The following MINDY4 variants were observed in gnomAD, a reference collection of about 807,000 sequenced individuals.
The protein encoded by MINDY4 is probable ubiquitin carboxyl-terminal hydrolase MINDY-4.
In MINDY4, 68 loss-of-function variants were observed where a neutral mutation model predicts 87.0. The ratio of observed to expected loss-of-function variants is 0.78; its 90% confidence interval spans 0.64 to 0.96. The LOEUF (loss-of-function observed/expected upper bound fraction) is 0.96, where lower values mean the gene tolerates loss of function less well. Among genes scored for constraint, MINDY4 ranks in the 40% least tolerant of loss-of-function variants. MINDY4 has a pLI of 0.00. For synonymous variants in MINDY4, 379 were observed against 363.2 expected, an observed-to-expected ratio of 1.04 and a Z score of -0.50; for missense variants, 919 against 928.2, an observed-to-expected ratio of 0.99 and a Z score of 0.13.
intron 17 of MINDY4, among the ~76,000 whole-genome samples, chr7:30,883,711 T>C (rs1486527026): frequency 6.6e-6 from 1 of 152,126 alleles, no homozygotes; most frequent in South Asian, 2.1e-4. Context: ...CACAAAGCCC[T>C]TGGGGCATGA....
intron 17 of MINDY4, among the ~76,000 whole-genome samples, chr7:30,887,289 C>T (rs1328814095): frequency 6.6e-6 from 1 of 152,214 alleles, no homozygotes; most frequent in Admixed American, 6.5e-5. Flanking sequence ...TGCCCTGCCC[C>T]CCACACACAC....
rs561531008 is a variant in MINDY4, at chr7:30,839,583, G to A, written c.1356+267G>A. ...CTTGCTGTGAGTGGTGCAGGTGCTGGGATCCTCAGCAGGAGAGAGAGCAGT... is the reference window on the plus strand; with the variant it reads ...CTTGCTGTGAGTGGTGCAGGTGCTGAGATCCTCAGCAGGAGAGAGAGCAGT... On this transcript the variant is annotated intron_variant, in intron 8 of 17. Transcript: ENST00000265299. Among the ~76,000 whole-genome samples the A allele has an allele frequency of 2.0e-5, 3 of 152,310 alleles. No individual in the cohort carries two copies. The East Asian group carries it at 5.8e-4, about 29-fold the overall frequency.
At chr7:30,845,269 G>A (rs550218175) in intron 9 of MINDY4, among the ~76,000 whole-genome samples, 1 of 152,116 alleles carries the variant, frequency 6.6e-6, no homozygotes, top group African/African-American at 2.4e-5. Flanking sequence ...GAACACAGAA[G>A]AGTACAGAGA....
In MINDY4 at chr7:30,875,645, A is replaced by C. The variant is rs749887008; in HGVS notation, c.1960A>C (p.Asn654His). Residue 654 changes from asparagine to histidine, a missense_variant, in exon 15 of 18, where the codon AAC becomes CAC. By Grantham distance (68) the Asn-to-His change is moderately conservative (BLOSUM62 1). Coordinates refer to ENST00000265299, the MANE Select transcript of MINDY4 (RefSeq NM_032222.3). ...IGFLSLFEHY[N>H]MCQVGCFLKT... is the part of the protein sequence containing the mutation. The stretch of plus-strand genomic sequence containing the variant: ...CTTCTTATCTCTCTTTGAGCATTAC[A>C]ACATGTGCCAGGTACCCAGATGCTC... The C allele has an allele frequency of 6.2e-7, 1 of 1,608,548 alleles. No individual in the cohort carries two copies.
chr7:30,773,546 G>A (rs1353666720), intron 1 of MINDY4, among the ~76,000 whole-genome samples: 2 of 152,146 alleles, frequency 1.3e-5, no homozygotes, highest in Non-Finnish European at 2.9e-5. Context: ...CTCACCAAGT[G>A]TGGTCTTCCC....
At chr7:30,845,391 T>C (rs1315330954) in intron 9 of MINDY4, among the ~76,000 whole-genome samples, 2 of 152,036 alleles carry the variant, frequency 1.3e-5, no homozygotes, top group African/African-American at 2.4e-5. Context: ...CATTGACTTA[T>C]ATAGTTTTCA....
chr7:30,773,863 G>C (rs1786719470), intron 1 of MINDY4, among the ~76,000 whole-genome samples: 2 of 151,964 alleles, frequency 1.3e-5, no homozygotes, highest in African/African-American at 4.8e-5. Flanking sequence ...ACAGTCCCTC[G>C]GGCCTACCAT....
chr7:30,792,638 G>A (rs1787359556), intron 5 of MINDY4, among the ~76,000 whole-genome samples: 1 of 151,916 alleles, frequency 6.6e-6, no homozygotes, highest in African/African-American at 2.4e-5. Context: ...TAAATTTATT[G>A]GTATAAAATT....
chr7:30,869,462 A>G (rs1481360709), intron 13 of MINDY4, among the ~76,000 whole-genome samples: 3 of 152,152 alleles, frequency 2.0e-5, no homozygotes, highest in East Asian at 1.9e-4. Flanking sequence ...AATGACAGAC[A>G]TTCGTGTCTT....
At chr7:30,794,555 G>A (rs988901927) in intron 5 of MINDY4, among the ~76,000 whole-genome samples, 17 of 152,238 alleles carry the variant, frequency 1.1e-4, no homozygotes, top group African/African-American at 4.1e-4. Context: ...GATGTTAGGC[G>A]GTGTGAGTAT....
intron 4 of MINDY4, among the ~76,000 whole-genome samples, chr7:30,788,072 T>C (rs1039190319): frequency 1.3e-5 from 2 of 152,242 alleles, no homozygotes; most frequent in Non-Finnish European, 2.9e-5. Flanking sequence ...CAGATCTCTT[T>C]AACGTCTTGT....
intron 5 of MINDY4, among the ~76,000 whole-genome samples, chr7:30,797,153 AGTT>A (rs1288141792): frequency 6.6e-6 from 1 of 152,220 alleles, no homozygotes; most frequent in African/African-American, 2.4e-5. Flanking sequence ...CTGGAGAGCC[AGTT>A]GTTAACATTT....
chr7:30,875,411 T>C, intron 14 of MINDY4, 84 bp from the exon 15 acceptor site: 1 of 1,466,296 alleles, frequency 6.8e-7, no homozygotes, highest in Non-Finnish European at 9.5e-7. Flanking sequence ...TTCTCCACCC[T>C]TTTTGTCTTT....
intron 17 of MINDY4, 88 bp from the exon 18 acceptor site, chr7:30,891,869 C>A: frequency 7.3e-7 from 1 of 1,361,170 alleles, no homozygotes; most frequent in Non-Finnish European, 1.1e-6. Context: ...CAAGACAAAA[C>A]CTTCAGGAAG....
chr7:30,836,844 C>G (rs1788872418), intron 7 of MINDY4, 80 bp downstream of exon 7: 1 of 1,017,240 alleles, frequency 9.8e-7, no homozygotes, highest in South Asian at 1.5e-5. Context: ...GTTTCTGCCC[C>G]AATCCAGCTC....
chr7:30,875,423 C>T, intron 14 of MINDY4, 72 bp from the exon 15 acceptor site: 1 of 1,545,816 alleles, frequency 6.5e-7, no homozygotes, highest in South Asian at 1.1e-5. Flanking sequence ...TTTGTCTTTC[C>T]CCAGTCTCCT....
chr7:30,856,770 C>T (rs1046491262), intron 12 of MINDY4, among the ~76,000 whole-genome samples: 3 of 151,850 alleles, frequency 2.0e-5, no homozygotes, highest in Admixed American at 6.6e-5. Context: ...AAAGGGACAC[C>T]GAGACCAAGA....
chr7:30,872,059 T>C (rs949821182), intron 13 of MINDY4, among the ~76,000 whole-genome samples, 184 bp from the exon 14 acceptor site: 1 of 152,070 alleles, frequency 6.6e-6, no homozygotes, highest in Non-Finnish European at 1.5e-5. Context: ...GCCTGGGCTC[T>C]AGCCCCATCC....
At chr7:30,842,145 G>A (rs1263718201) in intron 9 of MINDY4, among the ~76,000 whole-genome samples, 1 of 152,196 alleles carries the variant, frequency 6.6e-6, no homozygotes, top group African/African-American at 2.4e-5. Context: ...AATAATTGAG[G>A]TGTTTCCTCT....
Sources: gnomAD v4.1 joint callset for allele counts (sites outside exome capture counted in the v4.1 genomes callset) on GRCh38, gnomAD v4.1.1 for gene constraint, MANE v1.5 for transcripts, NCBI Gene and HGNC (gene_info 2026-07-23, HGNC 2026-07-21) for gene names.